C16orf78: variants seen among roughly 807,000 people sequenced by gnomAD.
C16orf78 encodes uncharacterized protein C16orf78.
C16orf78 carries 19 observed loss-of-function variants against 27.3 expected under a neutral mutation model. The ratio of observed to expected loss-of-function variants is 0.70; its 90% confidence interval spans 0.49 to 1.02. The LOEUF is 1.02. C16orf78 is among the 50% of genes least tolerant of loss of function. The pLI is 0.00. For missense variants in C16orf78, 339 were observed against 337.0 expected, an observed-to-expected ratio of 1.01 and a Z score of -0.05; for synonymous variants, 130 against 116.1, an observed-to-expected ratio of 1.12 and a Z score of -0.77.
Position 49,399,318 on chromosome 16 carries a change from T to A in C16orf78, c.*40T>A, listed in dbSNP as rs752064631. ...CACCACCTTCAGGCTCCTTCTGTCA[T>A]GGGACCCTTCACCTCCAGATGCCAT... On this transcript the variant is annotated 3_prime_UTR_variant, in exon 5 of 5. Transcript: ENST00000299191. 4 of 1,608,470 alleles carry A rather than the reference T, an allele frequency of 2.5e-6. No individual in the cohort carries two copies. In the South Asian group the frequency reaches 3.3e-5, roughly 13 times the overall value.
At chr16:49,377,203 C>G (rs1874623144) in intron 1 of C16orf78, among the ~76,000 whole-genome samples, 1 of 152,168 alleles carries the variant, frequency 6.6e-6, no homozygotes, top group African/African-American at 2.4e-5. Flanking sequence ...TAAGGAATAC[C>G]TGGGGAAATA....
chr16:49,388,763 C>T (rs989956805), intron 3 of C16orf78, among the ~76,000 whole-genome samples: 8 of 152,198 alleles, frequency 5.3e-5, no homozygotes, highest in African/African-American at 1.9e-4. Flanking sequence ...ATGTGCCTAA[C>T]TTGGCCTTCC....
chr16:49,396,555 A>C lies in C16orf78; in HGVS notation c.527A>C (p.Asp176Ala). The C allele has an allele frequency of 6.2e-7, 1 of 1,612,430 alleles. No individual in the cohort carries two copies. The highest frequency in any genetic ancestry group is 8.5e-7 in the Non-Finnish European group (1 of 1,180,010). Residue 176 changes from aspartate (D) to alanine (A), a missense_variant, in exon 4 of 5, where the codon GAC (aspartate) becomes GCC (alanine). Asp to Ala is a moderately radical substitution (Grantham distance 126, BLOSUM62 -2). Transcript: ENST00000299191. ...AGCCAGAGGGCAACCTTCATAAGAG[A>C]CTGGTCCAACAAGATGCCTGACATG... ...FNSQRATFIR[D>A]WSNKMPDMAY... is the part of the protein sequence containing the mutation.
intron 2 of C16orf78, among the ~76,000 whole-genome samples, 191 bp from the exon 3 acceptor site, chr16:49,378,279 C>T (rs1212952758): frequency 1.3e-5 from 2 of 152,178 alleles, no homozygotes; most frequent in Non-Finnish European, 2.9e-5. Flanking sequence ...AAGAGGGAGG[C>T]GTTGGTGAGC....
chr16:49,398,251 A>G (rs1466599069), intron 4 of C16orf78, among the ~76,000 whole-genome samples: 1 of 152,160 alleles, frequency 6.6e-6, no homozygotes, highest in Non-Finnish European at 1.5e-5. Flanking sequence ...ACATTATATC[A>G]ACACACAGCT....
intron 3 of C16orf78, among the ~76,000 whole-genome samples, chr16:49,382,488 A>C (rs1234734022): frequency 6.6e-6 from 1 of 152,174 alleles, no homozygotes; most frequent in Non-Finnish European, 1.5e-5. Flanking sequence ...CAGCAAACAA[A>C]TTAGAGATTG....
intron 3 of C16orf78, among the ~76,000 whole-genome samples, chr16:49,386,687 G>C (rs1478999570): frequency 6.6e-6 from 1 of 152,168 alleles, no homozygotes. Flanking sequence ...TTATTAGTGA[G>C]AGCATGCAGT....
intron 3 of C16orf78, among the ~76,000 whole-genome samples, chr16:49,386,544 G>A (rs986801007): frequency 1.5e-4 from 23 of 152,094 alleles, no homozygotes; most frequent in African/African-American, 5.3e-4. Flanking sequence ...CATCACCCAG[G>A]TGTTGTTAAA....
chr16:49,377,784 G>T lies in C16orf78; in HGVS notation c.204G>T (p.Glu68Asp). 2 of 1,598,996 alleles carry T rather than the reference G, an allele frequency of 1.3e-6. No individual in the cohort carries two copies. Among genetic ancestry groups the T allele is most frequent in the Non-Finnish European group, 1.7e-6 (2 of 1,172,542 alleles). Reference protein sequence around the residue: ...TVLKRNKKKEEKKGKGLMTAR... With the variant: ...TVLKRNKKKEDKKGKGLMTAR... The stretch of plus-strand genomic sequence containing the variant: ...TTAAACGAAATAAGAAGAAGGAAGA[G>T]AAGAAAGGCAAAGGCCTCATGACAG... The change falls in exon 2 of 5, where the codon GAG becomes GAT. Residue 68 changes from glutamate to aspartate, a missense_variant. By Grantham distance (45) the Glu-to-Asp change is conservative. Transcript: ENST00000299191.
chr16:49,378,938 T>C (rs1052283121), intron 3 of C16orf78, among the ~76,000 whole-genome samples: 2 of 152,224 alleles, frequency 1.3e-5, no homozygotes, highest in African/African-American at 4.8e-5. Flanking sequence ...ATTTAGATAC[T>C]GTGACAATAT....
At chr16:49,379,334 C>T (rs1003905656) in intron 3 of C16orf78, among the ~76,000 whole-genome samples, 1 of 151,794 alleles carries the variant, frequency 6.6e-6, no homozygotes, top group Non-Finnish European at 1.5e-5. Context: ...AAAACAGATA[C>T]ATTTGTTATG....
rs1400773081 is a variant in C16orf78, at chr16:49,373,812, C to T, written c.-128C>T. 1.6e-5 allele frequency: 19 copies of T among 1,175,444 alleles called. No homozygotes were observed. Among genetic ancestry groups the T allele is most frequent in the Non-Finnish European group, 2.0e-5 (17 of 833,084 alleles). The allele number at this position is 1,175,444 out of a possible 1,614,324, so 72.8% of individuals were successfully genotyped here. A position where few individuals can be genotyped will look rare whatever the true frequency, so the allele number is the denominator to read the frequency against. ...TCCCAGGGTCTTGGCTCACTCTGCC[C>T]TTTATGTTCACATCTGGAGGCCACA... On this transcript the variant is annotated 5_prime_UTR_variant, in exon 1 of 5. Coordinates refer to ENST00000299191, the MANE Select transcript of C16orf78 (RefSeq NM_144602.4).
intron 3 of C16orf78, among the ~76,000 whole-genome samples, chr16:49,390,092 G>A (rs1336405933): frequency 6.6e-6 from 1 of 152,128 alleles, no homozygotes; most frequent in East Asian, 1.9e-4. Context: ...CTGTCCTCTA[G>A]CTTGTTTGCA....
rs1215356478 is a variant in C16orf78, at chr16:49,394,397, T to C, written c.395-2026T>C. On this transcript the variant is annotated intron_variant, in intron 3 of 4. Coordinates refer to ENST00000299191, the MANE Select transcript of C16orf78 (RefSeq NM_144602.4). ...GGGCTTTATTACAGCAGGTGAGAAG[T>C]GGTTCATTATCAGGATATCTAAGAA... Among the ~76,000 whole-genome samples the C allele has an allele frequency of 3.3e-5, 5 of 152,012 alleles. No individual in the cohort carries two copies. In the East Asian group the frequency reaches 7.7e-4, roughly 23 times the overall value.
At chr16:49,390,990 C>T (rs909574019) in intron 3 of C16orf78, among the ~76,000 whole-genome samples, 6 of 152,276 alleles carry the variant, frequency 3.9e-5, no homozygotes, top group East Asian at 1.9e-4. Context: ...GTCTTAAAAC[C>T]GCTATTTCAT....
In C16orf78 at chr16:49,373,998, G is replaced by A. The variant is rs770144409; in HGVS notation, c.59G>A (p.Trp20Ter). The A allele has an allele frequency of 6.2e-7, 1 of 1,614,180 alleles. No homozygotes were observed. The highest frequency in any genetic ancestry group is 8.5e-7 in the Non-Finnish European group (1 of 1,180,030). Residue 20 changes from tryptophan to a stop codon, truncating the protein, a stop_gained, in exon 1 of 5, where the codon TGG (tryptophan) becomes TAG (stop). Transcript: ENST00000299191. LOFTEE classifies it high-confidence loss of function. ...ATGCCCACAAAGAGGAAATACATGT[G>A]GAAGACTGCTGAAGATAGGCGCATG... Reference protein sequence around the residue: ...DLMPTKRKYMWKTAEDRRMSD... With the variant: ...DLMPTKRKYM
chr16:49,392,718 G>A (rs1211389066), intron 3 of C16orf78, among the ~76,000 whole-genome samples: 1 of 152,162 alleles, frequency 6.6e-6, no homozygotes, highest in Non-Finnish European at 1.5e-5. Flanking sequence ...TTAGGTTCTA[G>A]GAGTACATGT....
rs757814512 is a variant in C16orf78 at position 49,377,851 on chromosome 16, G to A, written c.270+1G>A. ...CAGGGACACGGAGACTTCCCAGCAG[G>A]TAATGCAGCCCCTCTTCCCCCACTC... On this transcript the variant is annotated splice_donor_variant, in intron 2 of 4. Coordinates refer to ENST00000299191, the MANE Select transcript of C16orf78 (RefSeq NM_144602.4). LOFTEE classifies it high-confidence loss of function. The A allele has an allele frequency of 6.4e-7, 1 of 1,568,614 alleles. No individual in the cohort carries two copies. Among genetic ancestry groups the A allele is most frequent in the South Asian group, 1.2e-5 (1 of 85,334 alleles).
chr16:49,378,049 C>T (rs974571468), intron 2 of C16orf78, among the ~76,000 whole-genome samples, 199 bp downstream of exon 2: 5 of 152,220 alleles, frequency 3.3e-5, no homozygotes, highest in African/African-American at 1.2e-4. Flanking sequence ...TGCTGCCTCC[C>T]TGTAGTTTCA....
Sources: gnomAD v4.1 joint callset for allele counts (sites outside exome capture counted in the v4.1 genomes callset) on GRCh38, gnomAD v4.1.1 for gene constraint, MANE v1.5 for transcripts, NCBI Gene and HGNC (gene_info 2026-07-23, HGNC 2026-07-21) for gene names.